Variants in PIK3C2G observed in about 807,000 individuals in gnomAD.
PIK3C2G encodes the protein phosphatidylinositol 3-kinase C2 domain-containing subunit gamma.
Under a neutral mutation model 181.1 loss-of-function variants are expected in PIK3C2G, and 168 were observed. The observed-to-expected ratio is 0.93, with a 90% CI of 0.82 to 1.05. The LOEUF (loss-of-function observed/expected upper bound fraction) is 1.05, where lower values mean the gene tolerates loss of function less well. Ranked by LOEUF, PIK3C2G falls within the 50% of genes least tolerant of loss-of-function variation. The probability of loss-of-function intolerance (pLI) is 0.00; values close to 1 mark genes in which losing one functional copy is unlikely to be tolerated. For synonymous variants in PIK3C2G, 573 were observed against 592.2 expected, an observed-to-expected ratio of 0.97 and a Z score of 0.47; for missense variants, 1,869 against 1,732.8, an observed-to-expected ratio of 1.08 and a Z score of -1.40.
intron 18 of PIK3C2G, among the ~76,000 whole-genome samples, chr12:18,469,394 T>A (rs1390202599): frequency 6.6e-6 from 1 of 152,136 alleles, no homozygotes; most frequent in Non-Finnish European, 1.5e-5. Flanking sequence ...GGGGGGAAAA[T>A]GTTTTCTTGG....
At chr12:18,625,883 C>A (rs1949075961) in intron 31 of PIK3C2G, among the ~76,000 whole-genome samples, 1 of 151,806 alleles carries the variant, frequency 6.6e-6, no homozygotes, top group Admixed American at 6.6e-5. Context: ...TGTTTTTCAT[C>A]CCCTCACTTT....
chr12:18,381,773 A>AT lies in PIK3C2G; in HGVS notation c.1890dup (p.Leu631SerfsTer13). 3 of 1,605,348 alleles carry AT rather than the reference A, an allele frequency of 1.9e-6. No homozygotes were observed. The highest frequency in any genetic ancestry group is 2.6e-6 in the Non-Finnish European group (3 of 1,172,170). On this transcript the variant is annotated frameshift_variant, in exon 14 of 33. Transcript: ENST00000538779. LOFTEE classifies it high-confidence loss of function. Reference sequence around the variant, plus strand: ...GTGTGTTGTCTTTTGCAGAAAATCCATTCTCGGGTCTATGCTGTTCAGCAT... The same window carrying AT: ...GTGTGTTGTCTTTTGCAGAAAATCCATTTCTCGGGTCTATGCTGTTCAGCAT...
At chr12:18,666,054 T>C in the PIK3C2G span, among the ~76,000 whole-genome samples, 1 of 151,944 alleles carries the variant, frequency 6.6e-6, no homozygotes, top group Non-Finnish European at 1.5e-5. Flanking sequence ...TAAATTAAGA[T>C]ATTAATGGTA....
At chr12:18,478,141 G>C (rs930413297) in intron 18 of PIK3C2G, among the ~76,000 whole-genome samples, 7 of 152,084 alleles carry the variant, frequency 4.6e-5, no homozygotes, top group African/African-American at 1.7e-4. Flanking sequence ...TTAAAAAAAG[G>C]ACTGAGCTGG....
At chr12:18,633,538 G>A (rs1949451175) in intron 31 of PIK3C2G, among the ~76,000 whole-genome samples, 2 of 152,170 alleles carry the variant, frequency 1.3e-5, no homozygotes, top group South Asian at 4.1e-4. Flanking sequence ...GGCCGTTAGT[G>A]ATCCTGCCTG....
chr12:18,413,892 T>A (rs1945016314), intron 16 of PIK3C2G, among the ~76,000 whole-genome samples: 1 of 152,236 alleles, frequency 6.6e-6, no homozygotes, highest in Non-Finnish European at 1.5e-5. Flanking sequence ...GTCAGAGAAA[T>A]AATGCGTAGC....
At chr12:18,639,088 C>A (rs1037841528) in intron 31 of PIK3C2G, among the ~76,000 whole-genome samples, 2 of 151,938 alleles carry the variant, frequency 1.3e-5, no homozygotes, top group Non-Finnish European at 2.9e-5. Context: ...CAGAGGTATA[C>A]CTTGAGCTCC....
chr12:18,346,230 T>G (rs1042771924), intron 10 of PIK3C2G, among the ~76,000 whole-genome samples: 1 of 152,198 alleles, frequency 6.6e-6, no homozygotes, highest in Non-Finnish European at 1.5e-5. Context: ...ATCATCAAAT[T>G]TATTATGATT....
chr12:18,293,728 C>A (rs1196705241), intron 4 of PIK3C2G, among the ~76,000 whole-genome samples, 173 bp from the exon 5 acceptor site: 2 of 152,166 alleles, frequency 1.3e-5, no homozygotes, highest in East Asian at 3.8e-4. Context: ...CCCCAAATAT[C>A]TTTAAATCTA....
At chr12:18,450,212 C>T (rs893119214) in intron 18 of PIK3C2G, among the ~76,000 whole-genome samples, 1 of 152,218 alleles carries the variant, frequency 6.6e-6, no homozygotes, top group Admixed American at 6.5e-5. Context: ...CCGCAACCTC[C>T]ACCTCCTGGG....
rs1940564579 is a variant in PIK3C2G, at chr12:18,491,489, C to A, written c.2724C>A (p.Phe908Leu). ...LKKEIGRLEE[F>L]FQDVNTCHLP... Reference sequence around the variant, plus strand: ...AAGAAATTGGCAGACTAGAAGAGTTCTTTCAAGATGTAAATACTTGTCATC... The same window carrying A: ...AAGAAATTGGCAGACTAGAAGAGTTATTTCAAGATGTAAATACTTGTCATC... Residue 908 changes from phenylalanine to leucine, a missense_variant, in exon 20 of 33, where the codon TTC becomes TTA. Transcript: ENST00000538779. The A allele has an allele frequency of 1.2e-6, 2 of 1,608,472 alleles. No individual in the cohort carries two copies. Among genetic ancestry groups the A allele is most frequent in the East Asian group, 2.2e-5 (1 of 44,772 alleles).
chr12:18,702,524 C>T, the PIK3C2G span, among the ~76,000 whole-genome samples: 1 of 152,030 alleles, frequency 6.6e-6, no homozygotes, highest in Non-Finnish European at 1.5e-5. Context: ...TTTGATTGTC[C>T]TTTCTCTTTT....
the PIK3C2G span, among the ~76,000 whole-genome samples, chr12:18,717,944 G>A: frequency 2.0e-3 from 311 of 152,162 alleles, 7 homozygotes; most frequent in East Asian, 0.044. Context: ...GAGATACTCC[G>A]TCGCACGATG....
chr12:18,459,660 T>C (rs1218734985), intron 18 of PIK3C2G, among the ~76,000 whole-genome samples: 1 of 152,218 alleles, frequency 6.6e-6, no homozygotes, highest in East Asian at 1.9e-4. Flanking sequence ...ATGCTTAACC[T>C]ATGCCTAAAT....
In PIK3C2G at chr12:18,321,678, C is replaced by T. The variant is rs548879483; in HGVS notation, c.1208+646C>T. Among the ~76,000 whole-genome samples the T allele has an allele frequency of 2.0e-4, 31 of 152,128 alleles. No homozygotes were observed. In the South Asian group the frequency reaches 4.6e-3, roughly 22 times the overall value. On this transcript the variant is annotated intron_variant, in intron 7 of 32. Transcript: ENST00000538779. ...TGATATAACATATCAGCTAAATTTA[C>T]GATAGCAAAGACATGGGATCAACCC...
At chr12:18,692,046 G>A in the PIK3C2G span, among the ~76,000 whole-genome samples, 1 of 152,260 alleles carries the variant, frequency 6.6e-6, no homozygotes, top group East Asian at 1.9e-4. Context: ...GTGGAAAAAG[G>A]AGCTGAGCCA....
At chr12:18,510,989 C>T (rs575958866) in intron 24 of PIK3C2G, among the ~76,000 whole-genome samples, 3 of 152,228 alleles carry the variant, frequency 2.0e-5, no homozygotes, top group African/African-American at 7.2e-5. Context: ...CTCCCATTCC[C>T]CCCAACTCCT....
intron 16 of PIK3C2G, among the ~76,000 whole-genome samples, chr12:18,408,218 T>A (rs1944649121): frequency 6.6e-6 from 1 of 152,160 alleles, no homozygotes; most frequent in Non-Finnish European, 1.5e-5. Flanking sequence ...AAGTCTTTAA[T>A]CTATGTTGAG....
intron 4 of PIK3C2G, among the ~76,000 whole-genome samples, chr12:18,292,232 AT>A (rs1259940953): frequency 2.4e-5 from 3 of 122,650 alleles, no homozygotes; most frequent in Non-Finnish European, 5.0e-5. Flanking sequence ...AAAAAAATAT[AT>A]ATATATATAT....
Sources: gnomAD v4.1 joint callset for allele counts (sites outside exome capture counted in the v4.1 genomes callset) on GRCh38, gnomAD v4.1.1 for gene constraint, MANE v1.5 for transcripts, NCBI Gene and HGNC (gene_info 2026-07-23, HGNC 2026-07-21) for gene names.